F11: variants seen among roughly 807,000 people sequenced by gnomAD.
F11 encodes the protein coagualtion factor XI.
A neutral mutation model predicts 76.5 loss-of-function variants in F11; 78 were observed. The ratio of observed to expected loss-of-function variants is 1.02; its 90% CI spans 0.85 to 1.23. The LOEUF is 1.23. Among genes scored for constraint, F11 ranks in the 50% most tolerant of loss-of-function variants. F11 has a pLI of 0.00. For missense variants in F11, 742 were observed against 771.4 expected, an observed-to-expected ratio of 0.96 and a Z score of 0.45; for synonymous variants, 278 against 276.3, an observed-to-expected ratio of 1.01 and a Z score of -0.06.
intron 7 of F11, among the ~76,000 whole-genome samples, chr4:186,276,712 G>A (rs111363884): frequency 0.049 from 7,302 of 148,310 alleles, 207 homozygotes; most frequent in Middle Eastern, 0.11. Context: ...TCAGCCTCCT[G>A]AGTAGCTGGG....
chr4:186,286,312 T>A, intron 12 of F11, 103 bp from the exon 13 acceptor site: 1 of 1,140,830 alleles, frequency 8.8e-7, no homozygotes, highest in Non-Finnish European at 1.3e-6. Flanking sequence ...ATGAATATAG[T>A]AAACAAAGAA....
At chr4:186,266,369 G>C (rs2126696730) in intron 1 of F11, 74 bp downstream of exon 1, 1 of 152,174 alleles carries the variant, frequency 6.6e-6, no homozygotes, top group South Asian at 2.1e-4. Flanking sequence ...TTAAATCATA[G>C]GAATTTAAAA....
At chr4:186,283,427 C>A (rs1580096876) in intron 10 of F11, among the ~76,000 whole-genome samples, 1 of 152,236 alleles carries the variant, frequency 6.6e-6, no homozygotes. Context: ...AGGGATGAGC[C>A]TGAGTCAAAG....
intron 12 of F11, 171 bp downstream of exon 12, chr4:186,285,984 G>A: frequency 1.3e-6 from 1 of 758,668 alleles, no homozygotes; most frequent in East Asian, 2.7e-5. Flanking sequence ...ACACTTTCCT[G>A]GCTATTGAAA....
chr4:186,268,176 T>A (rs1219416059), intron 2 of F11, among the ~76,000 whole-genome samples: 1 of 151,890 alleles, frequency 6.6e-6, no homozygotes, highest in Admixed American at 6.6e-5. Flanking sequence ...ATGTGCAGAG[T>A]TTTTTCTTGT....
chr4:186,287,869 C>T lies in F11; in HGVS notation c.1716+46C>T, dbSNP rs770527584. 77 of 1,590,974 alleles carry T rather than the reference C, an allele frequency of 4.8e-5. No homozygotes were observed. In the South Asian group the frequency reaches 7.5e-4, roughly 16 times the overall value. ...AATGGAATATATGCAAATTGGAATG[C>T]TTAATGCGTTGGGGTTTTTTTGTTT... On this transcript the variant is annotated intron_variant, in intron 14 of 14. Transcript: ENST00000403665.
At chr4:186,286,853 A>G (rs1348810804) in intron 13 of F11, 1 of 313,270 alleles carries the variant, frequency 3.2e-6, no homozygotes, top group African/African-American at 2.3e-5. Context: ...AACTTAATTA[A>G]CATTAACAAA....
rs1580105014 is a variant in F11 at position 186,286,570 on chromosome 4, C to G, written c.1576+60C>G. 3.1e-6 allele frequency: 5 copies of G among 1,602,656 alleles called. No individual in the cohort carries two copies. The East Asian group carries it at 1.1e-4, about 36-fold the overall frequency. On this transcript the variant is annotated intron_variant, in intron 13 of 14. Coordinates refer to ENST00000403665, the MANE Select transcript of F11 (RefSeq NM_000128.4). ...GAAATGAAGAGCGGAACCTTTTCTG[C>G]CCTGTCAAGTCATGTAGCTGAAGCA...
rs369822221 is a variant in F11, at chr4:186,284,175, A to G, written c.1219A>G (p.Thr407Ala). The part of the protein sequence containing the change: ...GEWPWQVTLH[T>A]TSPTQRHLCG... ...GTGGCCGTGGCAGGTGACCCTGCACACAACCTCACCCACTCAGAGACACCT... is the reference window on the plus strand; with the variant it reads ...GTGGCCGTGGCAGGTGACCCTGCACGCAACCTCACCCACTCAGAGACACCT... The change falls in exon 11 of 15, where the codon ACA becomes GCA. Residue 407 changes from threonine (T) to alanine (A), a missense_variant. Physicochemically the swap from Thr to Ala is moderately conservative, Grantham distance 58 (BLOSUM62 0). Coordinates refer to ENST00000403665, the MANE Select transcript of F11 (RefSeq NM_000128.4). 8.9e-5 allele frequency: 144 copies of G among 1,614,134 alleles called. No individual in the cohort carries two copies. Among genetic ancestry groups the G allele is most frequent in the Non-Finnish European group, 1.2e-4 (143 of 1,180,058 alleles).
rs1728842262 is a variant in F11, at chr4:186,289,148, A to G, written c.*534A>G. 1 of 159,442 alleles carries G rather than the reference A, an allele frequency of 6.3e-6. No homozygotes were observed. Among genetic ancestry groups the G allele is most frequent in the Non-Finnish European group, 1.4e-5 (1 of 72,306 alleles). 9.9% of individuals were successfully genotyped at this position (159,442 alleles called of 1,614,324 possible). On this transcript the variant is annotated 3_prime_UTR_variant, in exon 15 of 15. Coordinates refer to ENST00000403665, the MANE Select transcript of F11 (RefSeq NM_000128.4). The stretch of plus-strand genomic sequence containing the variant: ...ATAGTCAGGAATTCTTGTCATTTCC[A>G]TTTTAAAATATATATTAAAAAAAAT...
chr4:186,271,476 T>C (rs1209531540), intron 2 of F11, 133 bp from the exon 3 acceptor site: 1 of 956,650 alleles, frequency 1.0e-6, no homozygotes, highest in African/African-American at 1.6e-5. Flanking sequence ...AAAGTGTTTA[T>C]TGCCTTGATT....
chr4:186,286,303 T>C, intron 12 of F11, 112 bp from the exon 13 acceptor site: 3 of 1,070,058 alleles, frequency 2.8e-6, no homozygotes, highest in Non-Finnish European at 4.2e-6. Flanking sequence ...AGGCAAAAAA[T>C]GAATATAGTA....
At chr4:186,278,077 G>A (rs926466612) in intron 7 of F11, among the ~76,000 whole-genome samples, 2 of 152,228 alleles carry the variant, frequency 1.3e-5, no homozygotes, top group African/African-American at 4.8e-5. Context: ...GGGATTACAA[G>A]CCTGAGCCAC....
At position 186,288,618 on chromosome 4, in the gene F11, G is replaced by T. The variant is rs959910099; in HGVS notation, c.*4G>T. ...GGAGAAAACTCAAGCAGTGTGAATG[G>T]GTTCCCAGGGGCCATTGGAGTCCCT... On this transcript the variant is annotated 3_prime_UTR_variant, in exon 15 of 15. Coordinates refer to ENST00000403665, the MANE Select transcript of F11 (RefSeq NM_000128.4). The T allele has an allele frequency of 1.9e-6, 3 of 1,613,118 alleles. No individual in the cohort carries two copies. The African/African-American group carries it at 4.0e-5, about 22-fold the overall frequency.
intron 3 of F11, 30 bp from the exon 4 acceptor site, chr4:186,273,040 AT>A: frequency 7.3e-7 from 1 of 1,376,810 alleles, no homozygotes. Flanking sequence ...ATAAATTCCT[AT>A]TCATTAATAT....
intron 14 of F11, 158 bp from the exon 15 acceptor site, chr4:186,288,295 A>T: frequency 1.2e-6 from 1 of 823,288 alleles, no homozygotes. Context: ...AATCAAAAGC[A>T]AGGAGATTGA....
At position 186,285,701 on chromosome 4, in the gene F11, G is replaced by GGA. The variant is rs2126779711; in HGVS notation, c.1369_1370dup (p.Asp457GlufsTer11). 6.2e-7 allele frequency: 1 copy of GGA among 1,613,966 alleles called. No individual in the cohort carries two copies. The highest frequency in any genetic ancestry group is 1.7e-5 in the Admixed American group (1 of 60,006). ...TTTTAAATCAATCTGAAATAAAAGA[G>GGA]GACACATCTTTCTTTGGGGTTCAAG... is the stretch of plus-strand genomic sequence containing the variant. On this transcript the variant is annotated frameshift_variant, in exon 12 of 15. Coordinates refer to ENST00000403665, the MANE Select transcript of F11 (RefSeq NM_000128.4). LOFTEE classifies it high-confidence loss of function.
chr4:186,270,984 G>A (rs989493460), intron 2 of F11, among the ~76,000 whole-genome samples: 4 of 151,490 alleles, frequency 2.6e-5, no homozygotes, highest in African/African-American at 7.3e-5. Context: ...GGGATTACAC[G>A]CATGAGCCAC....
rs114504390 is a variant in F11, at chr4:186,271,007, G to T, written c.56-602G>T. On this transcript the variant is annotated intron_variant, in intron 2 of 14. Coordinates refer to ENST00000403665, the MANE Select transcript of F11 (RefSeq NM_000128.4). ...ACGCATGAGCCACTGCGCCCACTCC[G>T]CATTATTAAATATAGAACATTTATT... Among the ~76,000 whole-genome samples, 452 of 151,970 alleles carry T rather than the reference G, an allele frequency of 3.0e-3. 1 individual carries two copies. The highest frequency in any genetic ancestry group is 0.01 in the African/African-American group (431 of 41,452).
Sources: allele counts gnomAD v4.1 joint callset (sites outside exome capture counted in the v4.1 genomes callset), GRCh38; gene constraint gnomAD v4.1.1; transcripts MANE v1.5; gene names NCBI Gene and HGNC (gene_info 2026-07-23, HGNC 2026-07-21).